PKN2: variants seen among roughly 807,000 people sequenced by gnomAD.
The protein encoded by PKN2 is serine/threonine-protein kinase N2.
A neutral mutation model predicts 119.1 loss-of-function variants in PKN2; 38 were observed. The observed-to-expected ratio is 0.32, with a 90% CI of 0.25 to 0.42. The LOEUF is 0.42. PKN2 is among the 10% of genes least tolerant of loss of function. The pLI, the probability that PKN2 is intolerant of heterozygous loss-of-function variation, is 1.00. For missense variants in PKN2, 850 were observed against 1,165.1 expected, an observed-to-expected ratio of 0.73 and a Z score of 3.94; for synonymous variants, 390 against 384.9, an observed-to-expected ratio of 1.01 and a Z score of -0.15.
At chr1:88,755,793 T>G (rs929815358) in intron 2 of PKN2, among the ~76,000 whole-genome samples, 7 of 152,194 alleles carry the variant, frequency 4.6e-5, no homozygotes, top group Admixed American at 3.9e-4. Context: ...CCCTGGTTCT[T>G]AACCATTTTC....
chr1:88,764,242 T>C (rs1669568949), intron 3 of PKN2, among the ~76,000 whole-genome samples: 1 of 152,222 alleles, frequency 6.6e-6, no homozygotes, highest in African/African-American at 2.4e-5. Flanking sequence ...GCTTTTGCAC[T>C]TGCTATATCT....
intron 19 of PKN2, among the ~76,000 whole-genome samples, chr1:88,830,833 G>T (rs887543873): frequency 3.3e-5 from 5 of 152,078 alleles, no homozygotes; most frequent in Admixed American, 1.3e-4. Flanking sequence ...GCTGGGAAAA[G>T]AACTAAACTT....
chr1:88,831,998 G>A (rs1174908023), intron 19 of PKN2, among the ~76,000 whole-genome samples: 2 of 151,896 alleles, frequency 1.3e-5, no homozygotes, highest in Admixed American at 1.3e-4. Flanking sequence ...ACTTTTTTAT[G>A]TCTCAGGGTC....
intron 1 of PKN2, among the ~76,000 whole-genome samples, chr1:88,727,885 C>T (rs1667961660): frequency 6.6e-6 from 1 of 152,204 alleles, no homozygotes; most frequent in African/African-American, 2.4e-5. Flanking sequence ...ACTCAGCACC[C>T]TCTAACAGCA....
intron 12 of PKN2, 36 bp from the exon 13 acceptor site, chr1:88,807,277 A>C: frequency 7.6e-7 from 1 of 1,317,070 alleles, no homozygotes; most frequent in Non-Finnish European, 1.0e-6. Flanking sequence ...TTTTCTGGGT[A>C]TTTCTATGGA....
intron 12 of PKN2, among the ~76,000 whole-genome samples, chr1:88,806,968 T>C (rs1671566713): frequency 6.6e-6 from 1 of 152,056 alleles, no homozygotes; most frequent in Non-Finnish European, 1.5e-5. Flanking sequence ...GCCGCCCGCC[T>C]CGGCCTACCA....
At chr1:88,827,427 C>G (rs1012408253) in intron 18 of PKN2, among the ~76,000 whole-genome samples, 1 of 151,762 alleles carries the variant, frequency 6.6e-6, no homozygotes, top group Non-Finnish European at 1.5e-5. Context: ...TCATATATAC[C>G]TTATACATAG....
intron 2 of PKN2, among the ~76,000 whole-genome samples, chr1:88,752,472 T>G (rs1669041544): frequency 6.6e-6 from 1 of 152,148 alleles, no homozygotes; most frequent in Non-Finnish European, 1.5e-5. Context: ...CTGATTGAGC[T>G]TTGTGATTTG....
At chr1:88,772,723 A>G (rs565081860) in intron 6 of PKN2, among the ~76,000 whole-genome samples, 1 of 152,280 alleles carries the variant, frequency 6.6e-6, no homozygotes, top group African/African-American at 2.4e-5. Flanking sequence ...TATGGTAGCT[A>G]TATCTAAGAT....
intron 12 of PKN2, chr1:88,806,382 C>G (rs1156350364): frequency 4.2e-6 from 1 of 236,524 alleles, no homozygotes; most frequent in African/African-American, 2.3e-5. Flanking sequence ...ATTGGTCAGG[C>G]TGGTCTTAAA....
chr1:88,698,585 T>A (rs72722790), intron 1 of PKN2, among the ~76,000 whole-genome samples: 3,891 of 152,198 alleles, frequency 0.026, 69 homozygotes, highest in African/African-American at 0.032. Context: ...TTTTAAAAAA[T>A]TTTTGAAAAT....
At chr1:88,730,416 C>T (rs959013771) in intron 1 of PKN2, among the ~76,000 whole-genome samples, 3 of 152,182 alleles carry the variant, frequency 2.0e-5, no homozygotes, top group African/African-American at 7.2e-5. Flanking sequence ...GCTCTGCCAT[C>T]CTTAGTGTAT....
intron 19 of PKN2, among the ~76,000 whole-genome samples, chr1:88,830,684 A>G (rs1672692133): frequency 6.6e-6 from 1 of 152,136 alleles, no homozygotes; most frequent in East Asian, 1.9e-4. Flanking sequence ...GCAGAAAACA[A>G]GGAAGCTCCT....
At chr1:88,792,870 G>C (rs940014975) in intron 8 of PKN2, among the ~76,000 whole-genome samples, 8 of 152,138 alleles carry the variant, frequency 5.3e-5, no homozygotes, top group African/African-American at 1.9e-4. Flanking sequence ...AGCATCACTA[G>C]TGGTACTTTG....
intron 8 of PKN2, among the ~76,000 whole-genome samples, chr1:88,794,396 A>T (rs1670976923): frequency 6.6e-6 from 1 of 151,594 alleles, no homozygotes; most frequent in African/African-American, 2.4e-5. Context: ...TCAATATGCC[A>T]GCCTTTCACC....
Position 88,807,562 on chromosome 1 carries a change from T to A in PKN2, c.1968T>A (p.Asp656Glu). 1 of 1,612,654 alleles carries A rather than the reference T, an allele frequency of 6.2e-7. No individual in the cohort carries two copies. The highest frequency in any genetic ancestry group is 1.3e-5 in the African/African-American group (1 of 74,998). Reference sequence around the variant, plus strand: ...AAAGGTTTCAGTTTAATCTACAAGATTTCAGGTGTTGTGCTGTCTTGGGAA... The same window carrying A: ...AAAGGTTTCAGTTTAATCTACAAGAATTCAGGTGTTGTGCTGTCTTGGGAA... ...SQQRFQFNLQ[D>E]FRCCAVLGRG... The change falls in exon 14 of 22, where the codon GAT becomes GAA. Residue 656 changes from aspartate to glutamate, a missense_variant. Physicochemically the swap from Asp to Glu is conservative, Grantham distance 45. Transcript: ENST00000370521.
chr1:88,684,684 CG>C, intron 1 of PKN2, 56 bp downstream of exon 1: 1 of 1,421,132 alleles, frequency 7.0e-7, no homozygotes, highest in Non-Finnish European at 9.3e-7. Context: ...GAGAGAGCCC[CG>C]CGCGGCGTCG....
chr1:88,783,026 G>A (rs935777518), intron 6 of PKN2, among the ~76,000 whole-genome samples: 2 of 152,074 alleles, frequency 1.3e-5, no homozygotes, highest in African/African-American at 4.8e-5. Context: ...TCTACTGCTG[G>A]GGCAAGACTC....
intron 6 of PKN2, 85 bp from the exon 7 acceptor site, chr1:88,784,554 T>G: frequency 1.2e-6 from 1 of 816,862 alleles, no homozygotes; most frequent in Non-Finnish European, 1.7e-6. Context: ...TTTTTTTTCT[T>G]TTTTTGAATA....
Sources: allele counts gnomAD v4.1 joint callset (sites outside exome capture counted in the v4.1 genomes callset), GRCh38; gene constraint gnomAD v4.1.1; transcripts MANE v1.5; gene names NCBI Gene and HGNC (gene_info 2026-07-23, HGNC 2026-07-21).